The following PC variants were observed in gnomAD, a reference collection of about 807,000 sequenced individuals.
PC encodes pyruvate carboxylase, mitochondrial.
A neutral mutation model predicts 107.8 loss-of-function variants in PC; 46 were observed. The observed-to-expected ratio is 0.43, with a 90% CI of 0.34 to 0.55. The LOEUF (loss-of-function observed/expected upper bound fraction) is 0.55, where lower values mean the gene tolerates loss of function less well. PC is among the 20% of genes least tolerant of loss of function. The pLI is 0.04. For synonymous variants in PC, 662 were observed against 684.7 expected, an observed-to-expected ratio of 0.97 and a Z score of 0.52; for missense variants, 1,241 against 1,643.1, an observed-to-expected ratio of 0.76 and a Z score of 4.23.
intron 3 of PC, among the ~76,000 whole-genome samples, chr11:66,950,837 G>C (rs1425403232): frequency 2.0e-5 from 3 of 152,044 alleles, no homozygotes; most frequent in East Asian, 1.9e-4. Flanking sequence ...AAGTGGTTTG[G>C]GGGGAACCTT....
intron 3 of PC, among the ~76,000 whole-genome samples, chr11:66,949,078 C>T (rs28431770): frequency 1.3e-5 from 2 of 151,126 alleles, no homozygotes; most frequent in African/African-American, 2.4e-5. Context: ...CTGCAACCTC[C>T]GCCTCCCGGG....
At position 66,866,514 on chromosome 11, in the gene PC, T is replaced by A. The variant is rs1214408048; in HGVS notation, c.1023-165A>T. Among the ~76,000 whole-genome samples, 1 of 152,042 alleles carries A rather than the reference T, an allele frequency of 6.6e-6. No homozygotes were observed. The highest frequency in any genetic ancestry group is 1.5e-5 in the Non-Finnish European group (1 of 67,980). On this transcript the variant is annotated intron_variant, in intron 10 of 22. Coordinates refer to ENST00000393960, the MANE Select transcript of PC (RefSeq NM_001040716.2). This position sits in a 1 kb window ranked among gnomAD's most constrained non-coding sequence, Gnocchi z 5.4. ...CAGCCGGTTCCTCCCAACCAGTGGC[T>A]CCACCAGCCCCTGCCCTGCTCCCGC...
chr11:66,947,441 G>A (rs746135735), intron 3 of PC, among the ~76,000 whole-genome samples: 1 of 151,936 alleles, frequency 6.6e-6, no homozygotes, highest in African/African-American at 2.4e-5. Context: ...AACAAAATTA[G>A]CTGGGTGTGG....
At chr11:66,939,338 T>G (rs1018656554) in intron 3 of PC, among the ~76,000 whole-genome samples, 1 of 152,066 alleles carries the variant, frequency 6.6e-6, no homozygotes, top group African/African-American at 2.4e-5. Flanking sequence ...ACTATGCCAT[T>G]TTCTATCAAG....
chr11:66,861,444 G>T (rs1294451323), intron 12 of PC, among the ~76,000 whole-genome samples: 3 of 152,256 alleles, frequency 2.0e-5, no homozygotes, highest in Non-Finnish European at 2.9e-5. Flanking sequence ...GGCAGCCGAG[G>T]TGAGGCAGGT....
chr11:66,867,941 T>C (rs1269916093), intron 10 of PC, among the ~76,000 whole-genome samples: 1 of 152,232 alleles, frequency 6.6e-6, no homozygotes, highest in East Asian at 1.9e-4. Flanking sequence ...GGGTCAGGGA[T>C]GCTCCACAGT....
intron 3 of PC, among the ~76,000 whole-genome samples, chr11:66,920,438 T>C (rs1168715446): frequency 6.6e-6 from 1 of 152,098 alleles, no homozygotes; most frequent in Non-Finnish European, 1.5e-5. Flanking sequence ...ATATCTCGGA[T>C]GATAAAGCTG....
Position 66,857,527 on chromosome 11 carries a change from C to T in PC, c.1369-4144G>A, listed in dbSNP as rs1945937460. 5.2e-6 allele frequency: 3 copies of T among 571,494 alleles called. No individual in the cohort carries two copies. The highest frequency in any genetic ancestry group is 3.8e-5 in the African/African-American group (2 of 53,036). 35.4% of individuals were successfully genotyped at this position (571,494 alleles called of 1,614,324 possible). A position where few individuals can be genotyped will look rare whatever the true frequency, so the allele number is the denominator to read the frequency against. ...CTTGTCCCCAGCGCCTGGACTCCCC[C>T]TTAACTGCTTGGGAAATGTGACCTT... is the stretch of plus-strand genomic sequence containing the variant. On this transcript the variant is annotated intron_variant, in intron 12 of 22. Coordinates refer to ENST00000393960, the MANE Select transcript of PC (RefSeq NM_001040716.2). The surrounding 1 kb of genome is among the most constrained non-coding windows in gnomAD (Gnocchi z 7.1).
At chr11:66,867,912 G>A (rs1173184822) in intron 10 of PC, among the ~76,000 whole-genome samples, 1 of 152,266 alleles carries the variant, frequency 6.6e-6, no homozygotes, top group Non-Finnish European at 1.5e-5. Flanking sequence ...AGGTGGGGTT[G>A]GGGCTGGGGG....
At position 66,852,704 on chromosome 11, in the gene PC, C is replaced by T. The variant is rs756417003; in HGVS notation, c.1603+43G>A. ...TTGGTGCCCATCCTGCAGGTGGCAA[C>T]CTCCTGTCTCCCCCATGAGTTGACA... On this transcript the variant is annotated intron_variant, in intron 14 of 22. Transcript: ENST00000393960. This position sits in a 1 kb window ranked among gnomAD's most constrained non-coding sequence, Gnocchi z 4.7. 5.0e-6 allele frequency: 8 copies of T among 1,610,554 alleles called. No homozygotes were observed. Among genetic ancestry groups the T allele is most frequent in the South Asian group, 1.1e-5 (1 of 90,900 alleles).
At position 66,936,368 on chromosome 11, in the gene PC, C is replaced by T. The variant is rs138732480; in HGVS notation, c.-1+16062G>A. ...AAGAACAGAACATCAGCAGTCAGCT[C>T]CATATGGTGTCCTGGAGTAACACTA... is the stretch of plus-strand genomic sequence containing the variant. On this transcript the variant is annotated intron_variant, in intron 3 of 22. Coordinates refer to ENST00000393960, the MANE Select transcript of PC (RefSeq NM_001040716.2). 4.9e-3 allele frequency among the ~76,000 whole-genome samples: 753 copies of T among 152,234 alleles called. 5 individuals are homozygous for T. The highest frequency in any genetic ancestry group is 8.2e-3 in the Non-Finnish European group (559 of 68,008).
intron 3 of PC, among the ~76,000 whole-genome samples, chr11:66,917,521 G>A (rs1326151175): frequency 6.6e-6 from 1 of 152,226 alleles, no homozygotes; most frequent in East Asian, 1.9e-4. Context: ...GGTCAAGTCT[G>A]AAATTCTAGA....
intron 3 of PC, among the ~76,000 whole-genome samples, chr11:66,873,434 TATATATTATA>T (rs1946829163): frequency 1.2e-5 from 1 of 85,586 alleles, no homozygotes; most frequent in Admixed American, 2.0e-4. Context: ...TTATATATAT[TATATATTATA>T]TTATATATAA....
chr11:66,945,868 T>C (rs966815774), intron 3 of PC, among the ~76,000 whole-genome samples: 1 of 140,002 alleles, frequency 7.1e-6, no homozygotes, highest in African/African-American at 2.6e-5. Flanking sequence ...GGGTGGATCA[T>C]GAGGTCAGGA....
At chr11:66,851,307 G>C in intron 16 of PC, 27 bp from the exon 17 acceptor site, 1 of 1,599,540 alleles carries the variant, frequency 6.3e-7, no homozygotes. Context: ...GCCCAGGGCT[G>C]AGCCCCACCC....
chr11:66,929,722 GC>G (rs1481324733), intron 3 of PC, among the ~76,000 whole-genome samples: 1 of 151,868 alleles, frequency 6.6e-6, no homozygotes, highest in Admixed American at 6.6e-5. Flanking sequence ...TCACTATGTT[GC>G]CCAGGCTGGT....
At chr11:66,855,795 G>A (rs1205213454) in intron 12 of PC, among the ~76,000 whole-genome samples, 1 of 152,194 alleles carries the variant, frequency 6.6e-6, no homozygotes, top group Admixed American at 6.5e-5. Context: ...TCGCCCCTAG[G>A]AAATGCTTAT....
At position 66,851,304 on chromosome 11, in the gene PC, G is replaced by A. The variant is rs777235009; in HGVS notation, c.1983-24C>T. 11 of 1,599,482 alleles carry A rather than the reference G, an allele frequency of 6.9e-6. No individual in the cohort carries two copies. The African/African-American group carries it at 1.2e-4, about 17-fold the overall frequency. On this transcript the variant is annotated intron_variant, in intron 16 of 22. Transcript: ENST00000393960. ...ACCTGCAAGGGTGAGAGAGCCCAGG[G>A]CTGAGCCCCACCCCACCTCCCTCTG...
At chr11:66,884,371 C>CA (rs1433552046) in intron 3 of PC, among the ~76,000 whole-genome samples, 21 of 151,348 alleles carry the variant, frequency 1.4e-4, no homozygotes, top group African/African-American at 5.1e-4. Context: ...ATGATGGTCC[C>CA]AGTGCACTCC....
Sources: allele counts gnomAD v4.1 joint callset (sites outside exome capture counted in the v4.1 genomes callset), GRCh38; gene constraint gnomAD v4.1.1; non-coding constraint Gnocchi (gnomAD v3.1); transcripts MANE v1.5; gene names NCBI Gene and HGNC (gene_info 2026-07-23, HGNC 2026-07-21).